The following ELP4 variants were observed in gnomAD, a reference collection of about 807,000 sequenced individuals.
ELP4 encodes elongator complex protein 4.
ELP4 carries 51 observed loss-of-function variants against 48.9 expected under a neutral mutation model. That is an observed-to-expected ratio of 1.04 (90% CI 0.83 to 1.32). ELP4 has a LOEUF of 1.32. Among genes scored for constraint, ELP4 ranks in the 40% most tolerant of loss-of-function variants. The pLI is 0.00. For missense variants in ELP4, 519 were observed against 514.6 expected, an observed-to-expected ratio of 1.01 and a Z score of -0.08; for synonymous variants, 210 against 189.2, an observed-to-expected ratio of 1.11 and a Z score of -0.90.
At chr11:31,722,971 C>A (rs1413988613) in intron 9 of ELP4, among the ~76,000 whole-genome samples, 1 of 152,160 alleles carries the variant, frequency 6.6e-6, no homozygotes, top group Non-Finnish European at 1.5e-5. Flanking sequence ...GGCCCGCTGC[C>A]CCAGCCCTCT....
At chr11:31,597,952 C>CTTTTTT (rs58093641) in intron 4 of ELP4, among the ~76,000 whole-genome samples, 11 of 96,304 alleles carry the variant, frequency 1.1e-4, no homozygotes, top group South Asian at 4.0e-4. Flanking sequence ...AGCCTTTTCT[C>CTTTTTT]TTTTTTTTTT....
At chr11:31,544,933 G>A (rs1189104812) in intron 3 of ELP4, among the ~76,000 whole-genome samples, 1 of 152,082 alleles carries the variant, frequency 6.6e-6, no homozygotes, top group Admixed American at 6.5e-5. Context: ...CAGACATGCA[G>A]CTGAGGGTCC....
chr11:31,746,846 A>T (rs1947605046), intron 9 of ELP4, among the ~76,000 whole-genome samples: 1 of 152,144 alleles, frequency 6.6e-6, no homozygotes, highest in Non-Finnish European at 1.5e-5. Flanking sequence ...TATGTAACAA[A>T]CCTGCACGTT....
chr11:31,631,050 C>G (rs1035200345), intron 6 of ELP4, among the ~76,000 whole-genome samples: 1 of 152,126 alleles, frequency 6.6e-6, no homozygotes, highest in African/African-American at 2.4e-5. Context: ...CTGTAATTCT[C>G]TCTTATTCAT....
chr11:31,587,608 C>A (rs1957498287), intron 3 of ELP4, among the ~76,000 whole-genome samples: 1 of 151,910 alleles, frequency 6.6e-6, no homozygotes, highest in African/African-American at 2.4e-5. Context: ...TTCTTTAGTT[C>A]TTTCCATTTT....
At chr11:31,537,085 T>C (rs1956513568) in intron 2 of ELP4, among the ~76,000 whole-genome samples, 1 of 152,216 alleles carries the variant, frequency 6.6e-6, no homozygotes, top group East Asian at 1.9e-4. Flanking sequence ...TTTCTTCTAA[T>C]AGTTTTAATT....
chr11:31,759,195 T>TC (rs1947894850), intron 9 of ELP4, among the ~76,000 whole-genome samples: 2 of 152,326 alleles, frequency 1.3e-5, no homozygotes, highest in Non-Finnish European at 2.9e-5. Flanking sequence ...GCGTTAATCA[T>TC]CCTCCAAAGT....
chr11:31,696,690 C>A (rs576002864), intron 9 of ELP4, among the ~76,000 whole-genome samples: 16 of 152,176 alleles, frequency 1.1e-4, no homozygotes, highest in African/African-American at 3.9e-4. Context: ...CAACCGGTAC[C>A]AGCCACTGCA....
At chr11:31,521,381 G>A (rs1311729784) in intron 2 of ELP4, among the ~76,000 whole-genome samples, 5 of 151,916 alleles carry the variant, frequency 3.3e-5, no homozygotes, top group Non-Finnish European at 7.4e-5. Flanking sequence ...GGCTCACAAG[G>A]ATGGGGTAGT....
chr11:31,718,678 A>C (rs1592250502), intron 9 of ELP4, among the ~76,000 whole-genome samples: 1 of 152,272 alleles, frequency 6.6e-6, no homozygotes, highest in East Asian at 1.9e-4. Context: ...TTTGCATGTG[A>C]CCTGGACTTC....
At position 31,594,784 on chromosome 11, in the gene ELP4, A is replaced by G; in HGVS notation, c.396A>G (p.Pro132=). 1 of 1,524,314 alleles carries G rather than the reference A, an allele frequency of 6.6e-7. No individual in the cohort carries two copies. The highest frequency in any genetic ancestry group is 8.7e-7 in the Non-Finnish European group (1 of 1,144,798). The allele number at this position is 1,524,314 out of a possible 1,614,324, so 94.4% of individuals were successfully genotyped here. The change falls in exon 4 of 10, where the codon CCA becomes CCG. Residue 132 remains proline, a synonymous_variant. Transcript: ENST00000640961. ...PANILQELPA[P]LLDDKCKKEF... is the part of the protein sequence containing the mutation. ...TGTTTTCTTAGGAACTTCCAGCACC[A>G]TTACTTGATGATAAATGTAAAAAGG... is the stretch of plus-strand genomic sequence containing the variant.
intron 3 of ELP4, among the ~76,000 whole-genome samples, chr11:31,553,407 G>A (rs1311111025): frequency 6.6e-6 from 1 of 152,208 alleles, no homozygotes; most frequent in East Asian, 1.9e-4. Flanking sequence ...GTCAGCAGAA[G>A]ACCTCAATAA....
intron 3 of ELP4, among the ~76,000 whole-genome samples, chr11:31,577,716 C>G (rs920407296): frequency 6.6e-6 from 1 of 152,136 alleles, no homozygotes. Flanking sequence ...TGAATAGATG[C>G]AGAAAAGGCC....
chr11:31,755,820 T>C (rs1487005159), intron 9 of ELP4, among the ~76,000 whole-genome samples: 3 of 152,094 alleles, frequency 2.0e-5, no homozygotes, highest in Non-Finnish European at 4.4e-5. Flanking sequence ...CAAATTGGTA[T>C]GTCTGTCCAT....
intron 3 of ELP4, among the ~76,000 whole-genome samples, chr11:31,550,480 T>A (rs1272625791): frequency 6.6e-6 from 1 of 152,206 alleles, no homozygotes. Flanking sequence ...TTGTGAGTGA[T>A]GATACCAGCC....
intron 3 of ELP4, among the ~76,000 whole-genome samples, chr11:31,546,450 A>G (rs560234368): frequency 2.3e-4 from 35 of 152,272 alleles, no homozygotes; most frequent in African/African-American, 7.9e-4. Context: ...CTAAATATAT[A>G]TGCACCCAAT....
At chr11:31,569,482 G>T (rs932047780) in intron 3 of ELP4, among the ~76,000 whole-genome samples, 1 of 152,184 alleles carries the variant, frequency 6.6e-6, no homozygotes, top group Non-Finnish European at 1.5e-5. Flanking sequence ...ACACCACGGT[G>T]TCTGACACCT....
At chr11:31,725,874 T>A (rs982691774) in intron 9 of ELP4, among the ~76,000 whole-genome samples, 1 of 152,194 alleles carries the variant, frequency 6.6e-6, no homozygotes, top group Non-Finnish European at 1.5e-5. Context: ...CTACTCCCCA[T>A]GCCGTTATAT....
rs71060492 is a variant in ELP4, at chr11:31,533,368, C to CTTTTTT, written c.260-6272_260-6267dup. The stretch of plus-strand genomic sequence containing the variant: ...GTGTTGCTGCAAAAGCCATCTCATT[C>CTTTTTT]TTTTTTTTTTTTTTTTTTTTTTTTT... On this transcript the variant is annotated intron_variant, in intron 2 of 9. Coordinates refer to ENST00000640961, the MANE Select transcript of ELP4 (RefSeq NM_019040.5). Among the ~76,000 whole-genome samples the CTTTTTT allele has an allele frequency of 1.0e-3, 51 of 50,472 alleles. 8 individuals carry two copies. The highest frequency in any genetic ancestry group is 3.7e-3 in the African/African-American group (44 of 11,896). 33.1% of individuals were successfully genotyped at this position (50,472 alleles called of 152,430 possible). A position where few individuals can be genotyped will look rare whatever the true frequency, so the allele number is the denominator to read the frequency against.
Sources: allele counts gnomAD v4.1 joint callset (sites outside exome capture counted in the v4.1 genomes callset), GRCh38; gene constraint gnomAD v4.1.1; transcripts MANE v1.5; gene names NCBI Gene and HGNC (gene_info 2026-07-23, HGNC 2026-07-21).